The following TMEM45A variants were observed in gnomAD, a reference collection of about 807,000 sequenced individuals.
The protein encoded by TMEM45A is DNA polymerase-transactivated protein 4.
In TMEM45A, 25 loss-of-function variants were observed where a neutral mutation model predicts 32.0. The observed-to-expected ratio is 0.78, with a 90% CI of 0.57 to 1.09. TMEM45A has a LOEUF of 1.09. TMEM45A is among the 50% of genes least tolerant of loss of function. The probability of loss-of-function intolerance (pLI) is 0.00; values close to 1 mark genes in which losing one functional copy is unlikely to be tolerated. For synonymous variants in TMEM45A, 122 were observed against 114.8 expected (o/e 1.06, Z -0.40); for missense variants, 302 against 325.0 (o/e 0.93, Z 0.54).
chr3:100,551,711 G>T (rs1706107092), intron 1 of TMEM45A, among the ~76,000 whole-genome samples: 1 of 152,058 alleles, frequency 6.6e-6, no homozygotes, highest in African/African-American at 2.4e-5. Context: ...TGTATCTGTT[G>T]GGTTCCTTAG....
chr3:100,569,062 CATTCCTT>C, intron 5 of TMEM45A, 95 bp downstream of exon 5: 1 of 1,239,552 alleles, frequency 8.1e-7, no homozygotes. Flanking sequence ...AAGGGTATTT[CATTCCTT>C]ATCATCCCAT....
chr3:100,528,564 T>G (rs1259903083), intron 1 of TMEM45A, among the ~76,000 whole-genome samples: 1 of 152,140 alleles, frequency 6.6e-6, no homozygotes, highest in African/African-American at 2.4e-5. Context: ...CCCCTTGTTT[T>G]TTTCTGTACA....
At chr3:100,531,891 T>G (rs557477625) in intron 1 of TMEM45A, among the ~76,000 whole-genome samples, 21 of 152,348 alleles carry the variant, frequency 1.4e-4, no homozygotes, top group African/African-American at 5.1e-4. Context: ...GGGTTTGTAG[T>G]TTTGCTGAAT....
At chr3:100,563,464 C>T (rs9858165) in intron 4 of TMEM45A, among the ~76,000 whole-genome samples, 2,332 of 152,264 alleles carry the variant, frequency 0.015, 56 homozygotes, top group African/African-American at 0.053. Flanking sequence ...AGATCACTTC[C>T]CAGATCGCAG....
chr3:100,509,116 G>GA (rs150839380), intron 1 of TMEM45A, among the ~76,000 whole-genome samples: 2 of 151,924 alleles, frequency 1.3e-5, no homozygotes, highest in African/African-American at 2.4e-5. Context: ...CAACTTAACA[G>GA]AAAAAAAATC....
At chr3:100,509,813 A>G (rs1708129229) in intron 1 of TMEM45A, among the ~76,000 whole-genome samples, 1 of 152,194 alleles carries the variant, frequency 6.6e-6, no homozygotes, top group Non-Finnish European at 1.5e-5. Context: ...CGGGAAGTGC[A>G]AGGGGTCAGG....
chr3:100,527,377 A>G (rs1197209671), intron 1 of TMEM45A, among the ~76,000 whole-genome samples: 4 of 152,262 alleles, frequency 2.6e-5, no homozygotes, highest in Non-Finnish European at 5.9e-5. Flanking sequence ...AGGTGAATAT[A>G]GTGCCATCAT....
intron 1 of TMEM45A, among the ~76,000 whole-genome samples, chr3:100,520,562 C>T (rs1705415117): frequency 6.6e-6 from 1 of 152,080 alleles, no homozygotes; most frequent in Non-Finnish European, 1.5e-5. Context: ...CATTGGGTAC[C>T]TACCTGCAGA....
At chr3:100,532,217 A>G (rs1705659983) in intron 1 of TMEM45A, among the ~76,000 whole-genome samples, 1 of 152,186 alleles carries the variant, frequency 6.6e-6, no homozygotes, top group Admixed American at 6.5e-5. Context: ...AGCTGTATTT[A>G]TGAAAAGGTA....
At chr3:100,565,679 A>G (rs751641051) in intron 4 of TMEM45A, among the ~76,000 whole-genome samples, 1 of 152,196 alleles carries the variant, frequency 6.6e-6, no homozygotes, top group African/African-American at 2.4e-5. Flanking sequence ...ATTATTCATT[A>G]TATTATCCTG....
At chr3:100,510,332 C>G (rs1448558711) in intron 1 of TMEM45A, among the ~76,000 whole-genome samples, 1 of 152,238 alleles carries the variant, frequency 6.6e-6, no homozygotes, top group African/African-American at 2.4e-5. Flanking sequence ...AGCAGCCTAA[C>G]TGGGAGGCAC....
chr3:100,559,648 G>A (rs1706290761), intron 4 of TMEM45A, among the ~76,000 whole-genome samples: 1 of 151,898 alleles, frequency 6.6e-6, no homozygotes, highest in African/African-American at 2.4e-5. Context: ...TGCTTGGAAT[G>A]TTTTACTATA....
chr3:100,569,690 G>A (rs774195915), intron 5 of TMEM45A, among the ~76,000 whole-genome samples: 39 of 151,962 alleles, frequency 2.6e-4, no homozygotes, highest in Non-Finnish European at 4.9e-4. Context: ...TTATTGTCTT[G>A]TTGTTCTTCC....
intron 1 of TMEM45A, among the ~76,000 whole-genome samples, chr3:100,511,164 A>G (rs1424503539): frequency 2.6e-5 from 4 of 151,784 alleles, no homozygotes; most frequent in South Asian, 4.1e-4. Flanking sequence ...TCCAAGACAC[A>G]TAATTGTCAG....
intron 3 of TMEM45A, among the ~76,000 whole-genome samples, chr3:100,557,364 A>G (rs1706242563): frequency 6.6e-6 from 1 of 152,324 alleles, no homozygotes; most frequent in Non-Finnish European, 1.5e-5. Context: ...AACAGCTTCC[A>G]CTATCTACTA....
At chr3:100,495,194 A>G (rs1289192765) in intron 1 of TMEM45A, among the ~76,000 whole-genome samples, 1 of 152,238 alleles carries the variant, frequency 6.6e-6, no homozygotes. Flanking sequence ...GGAGTGAGGT[A>G]GAATTGATCT....
At position 100,558,509 on chromosome 3, in the gene TMEM45A, G is replaced by A; in HGVS notation, c.508G>A (p.Glu170Lys). The change falls in exon 4 of 6, where the codon GAG (glutamate) becomes AAG (lysine). Residue 170 changes from glutamate (E) to lysine (K), a missense_variant. Physicochemically the swap from Glu to Lys is moderately conservative, Grantham distance 56 (BLOSUM62 1). Coordinates refer to ENST00000323523, the MANE Select transcript of TMEM45A (RefSeq NM_018004.3). ...TCTGACAGGCCTCGTTGCCTTCCTA[G>A]AGTTCCTTGTTCGGAACAATGTACT... ...VFLTGLVAFL[E>K]FLVRNNVLLE... 6.2e-7 allele frequency: 1 copy of A among 1,614,074 alleles called. No individual in the cohort carries two copies. The highest frequency in any genetic ancestry group is 8.5e-7 in the Non-Finnish European group (1 of 1,180,004).
chr3:100,557,308 A>G (rs967893189), intron 3 of TMEM45A, among the ~76,000 whole-genome samples: 1 of 152,228 alleles, frequency 6.6e-6, no homozygotes, highest in Non-Finnish European at 1.5e-5. Context: ...TGATCCCAGA[A>G]TAATAAAGCA....
rs375663929 is a variant in TMEM45A at position 100,556,749 on chromosome 3, T to C, written c.191-11T>C. 56 of 1,608,002 alleles carry C rather than the reference T, an allele frequency of 3.5e-5. No individual in the cohort carries two copies. Among genetic ancestry groups the C allele is most frequent in the Admixed American group, 3.4e-5 (2 of 58,984 alleles). ...GCAGAGTTGCTAAAACTGTGATATG[T>C]TTCTTGGCAGGCATGGCTGGGGAGC... On this transcript the variant is annotated splice_polypyrimidine_tract_variant and intron_variant, in intron 2 of 5. Coordinates refer to ENST00000323523, the MANE Select transcript of TMEM45A (RefSeq NM_018004.3).
Sources: gnomAD v4.1 joint callset for allele counts (sites outside exome capture counted in the v4.1 genomes callset) on GRCh38, gnomAD v4.1.1 for gene constraint, MANE v1.5 for transcripts, NCBI Gene and HGNC (gene_info 2026-07-23, HGNC 2026-07-21) for gene names.